SGCZ: variants seen among roughly 807,000 people sequenced by gnomAD.
SGCZ encodes sarcoglycan zeta.
In SGCZ, 40 loss-of-function variants were observed where a neutral mutation model predicts 41.3. That is an observed-to-expected ratio of 0.97 (90% CI 0.75 to 1.26). The LOEUF is 1.26. Ranked by LOEUF, SGCZ falls within the 50% of genes most tolerant of loss-of-function variation. The probability of loss-of-function intolerance (pLI) is 0.00; values close to 1 mark genes in which losing one functional copy is unlikely to be tolerated. For synonymous variants in SGCZ, 206 were observed against 137.5 expected (o/e 1.50, Z -3.49); for missense variants, 552 against 369.8 (o/e 1.49, Z -4.04).
At position 14,932,094 on chromosome 8, in the gene SGCZ, A is replaced by G. The variant is rs545268193; in HGVS notation, c.39+305491T>C. ...TCATTATTACCATAATGCTGGAAAT[A>G]GAATGTGACATATAAATTTTACTTT... On this transcript the variant is annotated intron_variant, in intron 1 of 7. Transcript: ENST00000382080. Among the ~76,000 whole-genome samples the G allele has an allele frequency of 1.6e-3, 243 of 152,114 alleles. 1 individual carries two copies. Among genetic ancestry groups the G allele is most frequent in the Admixed American group, 0.013 (194 of 15,294 alleles).
intron 1 of SGCZ, among the ~76,000 whole-genome samples, chr8:14,966,779 C>T (rs1380629350): frequency 6.6e-6 from 1 of 151,952 alleles, no homozygotes; most frequent in Non-Finnish European, 1.5e-5. Flanking sequence ...GATGTGTTAT[C>T]CAAGATGGAG....
At position 14,703,742 on chromosome 8, in the gene SGCZ, G is replaced by A. The variant is rs371224628; in HGVS notation, c.40-148816C>T. 1.7e-3 allele frequency among the ~76,000 whole-genome samples: 265 copies of A among 152,048 alleles called. 2 individuals carry two copies. In the South Asian group the frequency reaches 0.019, roughly 11 times the overall value. On this transcript the variant is annotated intron_variant, in intron 1 of 7. Transcript: ENST00000382080. Reference sequence around the variant, plus strand: ...GTGTAAAATGACTTTAGTGGCTGTGGTCTCTTAATAACACTAAGTTTGATT... The same window carrying A: ...GTGTAAAATGACTTTAGTGGCTGTGATCTCTTAATAACACTAAGTTTGATT...
chr8:14,231,388 A>T (rs1806566914), intron 4 of SGCZ, among the ~76,000 whole-genome samples: 1 of 151,934 alleles, frequency 6.6e-6, no homozygotes, highest in Non-Finnish European at 1.5e-5. Flanking sequence ...CATCAATATC[A>T]ATTTCATCAT....
chr8:15,089,874 A>G (rs1240146794), intron 1 of SGCZ, among the ~76,000 whole-genome samples: 1 of 152,224 alleles, frequency 6.6e-6, no homozygotes, highest in African/African-American at 2.4e-5. Context: ...TGCTCAGTTA[A>G]TACTGTGTTC....
chr8:14,940,598 A>C lies in SGCZ; in HGVS notation c.39+296987T>G, dbSNP rs990697837. ...TAAAGATTTAAACATATAAACAAAA[A>C]GATAAATGTCATGAAAAATTCATTA... On this transcript the variant is annotated intron_variant, in intron 1 of 7. Coordinates refer to ENST00000382080, the MANE Select transcript of SGCZ (RefSeq NM_139167.4). Among the ~76,000 whole-genome samples, 20 of 152,292 alleles carry C rather than the reference A, an allele frequency of 1.3e-4. 1 individual carries two copies. Among genetic ancestry groups the C allele is most frequent in the Middle Eastern group, 6.8e-3 (2 of 294 alleles).
At chr8:14,509,903 C>T (rs28654177) in intron 2 of SGCZ, among the ~76,000 whole-genome samples, 2,919 of 152,092 alleles carry the variant, frequency 0.019, 61 homozygotes, top group African/African-American at 0.047. Flanking sequence ...CACTCACTAT[C>T]ACAAGAACAG....
At chr8:14,788,000 G>C (rs1452288345) in intron 1 of SGCZ, among the ~76,000 whole-genome samples, 1 of 152,134 alleles carries the variant, frequency 6.6e-6, no homozygotes, top group East Asian at 1.9e-4. Flanking sequence ...ACGATAATCA[G>C]TCTTCTAGAC....
chr8:14,438,662 C>G (rs1319627485), intron 2 of SGCZ, among the ~76,000 whole-genome samples: 1 of 151,828 alleles, frequency 6.6e-6, no homozygotes. Context: ...AAAATGTAAA[C>G]CAGTATCCCA....
chr8:15,017,391 T>C lies in SGCZ; in HGVS notation c.39+220194A>G, dbSNP rs566899055. Among the ~76,000 whole-genome samples the C allele has an allele frequency of 5.3e-5, 8 of 152,340 alleles. No individual in the cohort carries two copies. The South Asian group carries it at 1.7e-3, about 32-fold the overall frequency. On this transcript the variant is annotated intron_variant, in intron 1 of 7. Coordinates refer to ENST00000382080, the MANE Select transcript of SGCZ (RefSeq NM_139167.4). ...GTGAGGCCTGATCCACAGTGGACCT[T>C]GGTTGAGCTTTCTCAGCATGCCCCT...
rs549634882 is a variant in SGCZ, at chr8:14,464,951, T to C, written c.234+89781A>G. Reference sequence around the variant, plus strand: ...TTGTGGTTGGATAACACACTTTTTATGGTATCTATATTTTAAAATATGCCA... The same window carrying C: ...TTGTGGTTGGATAACACACTTTTTACGGTATCTATATTTTAAAATATGCCA... On this transcript the variant is annotated intron_variant, in intron 2 of 7. Transcript: ENST00000382080. 3.8e-4 allele frequency among the ~76,000 whole-genome samples: 58 copies of C among 151,824 alleles called. 1 individual carries two copies. The highest frequency in any genetic ancestry group is 1.3e-3 in the African/African-American group (56 of 41,536).
intron 2 of SGCZ, among the ~76,000 whole-genome samples, chr8:14,525,591 G>A (rs915946226): frequency 6.6e-6 from 1 of 151,952 alleles, no homozygotes; most frequent in Admixed American, 6.6e-5. Flanking sequence ...TTTCAATTTA[G>A]TTGCACATAC....
At chr8:14,612,011 G>T (rs1236863932) in intron 1 of SGCZ, among the ~76,000 whole-genome samples, 1 of 152,092 alleles carries the variant, frequency 6.6e-6, no homozygotes, top group African/African-American at 2.4e-5. Flanking sequence ...TTCTTTAAGG[G>T]AGGCATTAAT....
At chr8:14,313,110 T>C in intron 3 of SGCZ, among the ~76,000 whole-genome samples, 1 of 152,200 alleles carries the variant, frequency 6.6e-6, no homozygotes, top group Admixed American at 6.6e-5. Flanking sequence ...CCAAGTTCTC[T>C]TTCGCAGCTG....
At position 15,054,891 on chromosome 8, in the gene SGCZ, G is replaced by A. The variant is rs574385680; in HGVS notation, c.39+182694C>T. On this transcript the variant is annotated intron_variant, in intron 1 of 7. Coordinates refer to ENST00000382080, the MANE Select transcript of SGCZ (RefSeq NM_139167.4). ...GCAGGAGAATGGCGTGAACCTAGGA[G>A]GCAGAGCTTGCAGTGAGTCAAAATT... 2.0e-5 allele frequency among the ~76,000 whole-genome samples: 3 copies of A among 151,348 alleles called. No individual in the cohort carries two copies. The East Asian group carries it at 5.9e-4, about 30-fold the overall frequency.
intron 1 of SGCZ, among the ~76,000 whole-genome samples, chr8:14,777,749 T>TGA (rs1261962247): frequency 2.0e-5 from 3 of 152,108 alleles, no homozygotes; most frequent in South Asian, 2.1e-4. Context: ...TGTGTATGTG[T>TGA]GAGAGAGAGA....
At chr8:14,117,407 TCTGTGTGTGTG>T (rs1370169091) in intron 5 of SGCZ, among the ~76,000 whole-genome samples, 68 of 96,878 alleles carry the variant, frequency 7.0e-4, no homozygotes, top group East Asian at 6.5e-3. Flanking sequence ...GATGCACACA[TCTGTGTGTGTG>T]TGTGTGTGTG....
intron 1 of SGCZ, among the ~76,000 whole-genome samples, chr8:14,706,863 C>A (rs1809347361): frequency 6.6e-6 from 1 of 151,978 alleles, no homozygotes; most frequent in Non-Finnish European, 1.5e-5. Flanking sequence ...TGATTCAAAT[C>A]TCTTCCTAAG....
intron 2 of SGCZ, among the ~76,000 whole-genome samples, chr8:14,383,509 G>C (rs1804447485): frequency 1.3e-5 from 2 of 152,258 alleles, no homozygotes; most frequent in African/African-American, 4.8e-5. Flanking sequence ...AACACGACTA[G>C]TAAAAAGACA....
intron 2 of SGCZ, among the ~76,000 whole-genome samples, chr8:14,418,866 C>A: frequency 6.6e-6 from 1 of 151,920 alleles, no homozygotes; most frequent in Admixed American, 6.6e-5. Flanking sequence ...TTTGTGGAAC[C>A]CCCACATTTT....
Sources: gnomAD v4.1 joint callset for allele counts (sites outside exome capture counted in the v4.1 genomes callset) on GRCh38, gnomAD v4.1.1 for gene constraint, MANE v1.5 for transcripts, NCBI Gene and HGNC (gene_info 2026-07-23, HGNC 2026-07-21) for gene names.